The following ADAM12 variants were observed in gnomAD, a reference collection of about 807,000 sequenced individuals.
ADAM12 encodes disintegrin and metalloproteinase domain-containing protein 12.
ADAM12 carries 70 observed loss-of-function variants against 106.4 expected under a neutral mutation model. The ratio of observed to expected loss-of-function variants is 0.66; its 90% CI spans 0.54 to 0.80. The LOEUF (loss-of-function observed/expected upper bound fraction) is 0.80, where lower values mean the gene tolerates loss of function less well. Ranked by LOEUF, ADAM12 falls within the 30% of genes least tolerant of loss-of-function variation. ADAM12 has a pLI of 0.00. For missense variants in ADAM12, 1,010 were observed against 1,171.9 expected (o/e 0.86, Z 2.02); for synonymous variants, 420 against 433.5 (o/e 0.97, Z 0.39).
At chr10:126,131,474 T>C (rs1956303825) in intron 5 of ADAM12, among the ~76,000 whole-genome samples, 1 of 152,146 alleles carries the variant, frequency 6.6e-6, no homozygotes. Context: ...CAAATTCATA[T>C]GTTAGAGCCA....
intron 3 of ADAM12, among the ~76,000 whole-genome samples, chr10:126,228,771 CA>C (rs1209213769): frequency 6.6e-6 from 1 of 152,176 alleles, no homozygotes; most frequent in East Asian, 1.9e-4. Flanking sequence ...AGACATGGGC[CA>C]GGCCTCCCAC....
chr10:126,128,741 G>A (rs1405590299), intron 5 of ADAM12, among the ~76,000 whole-genome samples: 1 of 151,026 alleles, frequency 6.6e-6, no homozygotes, highest in Non-Finnish European at 1.5e-5. Flanking sequence ...TGGTGCGTGT[G>A]TGGGAATGTG....
chr10:126,350,525 C>T (rs1356411040), intron 1 of ADAM12, among the ~76,000 whole-genome samples: 1 of 152,230 alleles, frequency 6.6e-6, no homozygotes, highest in South Asian at 2.1e-4. Flanking sequence ...GCCCTGTCAA[C>T]TCCATCATTC....
intron 2 of ADAM12, among the ~76,000 whole-genome samples, chr10:126,295,844 C>T (rs1960350647): frequency 6.6e-6 from 1 of 151,698 alleles, no homozygotes; most frequent in Non-Finnish European, 1.5e-5. Flanking sequence ...ATCTTTCTTC[C>T]TCTGATGATC....
chr10:126,126,996 T>A (rs557280384), intron 5 of ADAM12, among the ~76,000 whole-genome samples: 15 of 152,294 alleles, frequency 9.8e-5, no homozygotes, highest in Admixed American at 3.9e-4. Context: ...TTGGATCTCC[T>A]TCAGAGCAGA....
chr10:126,265,412 T>G (rs1225324724), intron 3 of ADAM12, among the ~76,000 whole-genome samples: 1 of 152,232 alleles, frequency 6.6e-6, no homozygotes, highest in Non-Finnish European at 1.5e-5. Context: ...TGATTGTTAA[T>G]GGCCACTGAA....
In ADAM12 at chr10:126,159,524, C is replaced by T. The variant is rs183534326; in HGVS notation, c.261-4219G>A. 2.7e-3 allele frequency among the ~76,000 whole-genome samples: 413 copies of T among 151,940 alleles called. 4 individuals carry two copies. Among genetic ancestry groups the T allele is most frequent in the African/African-American group, 9.3e-3 (385 of 41,442 alleles). ...TTGAATGAACAAGGTATATAGATAC[C>T]TAATATTAAGGGGAGTGATGGGTGC... On this transcript the variant is annotated intron_variant, in intron 3 of 22. Transcript: ENST00000448723.
At chr10:126,140,872 CAGTCTTCA>C (rs1956497050) in intron 4 of ADAM12, among the ~76,000 whole-genome samples, 1 of 152,108 alleles carries the variant, frequency 6.6e-6, no homozygotes, top group African/African-American at 2.4e-5. Context: ...GGAGGAGATG[CAGTCTTCA>C]ACCCCTGGGG....
intron 3 of ADAM12, among the ~76,000 whole-genome samples, chr10:126,237,131 C>A (rs1413497238): frequency 6.6e-6 from 1 of 152,138 alleles, no homozygotes; most frequent in Non-Finnish European, 1.5e-5. Flanking sequence ...CAAATAAATA[C>A]CCTCATGACA....
chr10:126,109,848 G>A lies in ADAM12; in HGVS notation c.604-8C>T. On this transcript the variant is annotated splice_region_variant and splice_polypyrimidine_tract_variant and intron_variant, in intron 6 of 22. Transcript: ENST00000448723. ...GAGGGTCTCTCTTTTATGCTGCCAA[G>A]AGTAAACATGCACTTAATCTCTCTT... 6.2e-7 allele frequency: 1 copy of A among 1,611,796 alleles called. No individual in the cohort carries two copies.
intron 1 of ADAM12, among the ~76,000 whole-genome samples, chr10:126,340,048 T>G (rs2133867165): frequency 6.6e-6 from 1 of 151,892 alleles, no homozygotes; most frequent in South Asian, 2.1e-4. Context: ...AGAGATGGGG[T>G]TTCACCACAT....
intron 3 of ADAM12, among the ~76,000 whole-genome samples, chr10:126,219,889 A>C (rs1958056770): frequency 1.3e-5 from 2 of 152,244 alleles, no homozygotes; most frequent in Non-Finnish European, 2.9e-5. Flanking sequence ...TGAACTAGAC[A>C]ATCAATGGGA....
At chr10:126,019,861 C>T in intron 21 of ADAM12, 36 bp from the exon 22 acceptor site, 1 of 1,571,630 alleles carries the variant, frequency 6.4e-7, no homozygotes, top group South Asian at 1.2e-5. Context: ...GGTCACTTAC[C>T]AGGAGCCAGC....
chr10:126,252,315 G>A (rs1958802498), intron 3 of ADAM12, among the ~76,000 whole-genome samples: 1 of 152,116 alleles, frequency 6.6e-6, no homozygotes, highest in Non-Finnish European at 1.5e-5. Context: ...ATGGATGGAT[G>A]GATGGGAGAG....
intron 21 of ADAM12, among the ~76,000 whole-genome samples, chr10:126,032,353 C>T (rs2133391748): frequency 6.6e-6 from 1 of 152,326 alleles, no homozygotes; most frequent in East Asian, 1.9e-4. Context: ...AGAGAAATCA[C>T]CCACTTAATC....
intron 3 of ADAM12, among the ~76,000 whole-genome samples, chr10:126,218,071 T>G (rs1440325013): frequency 2.0e-5 from 3 of 152,024 alleles, no homozygotes; most frequent in Non-Finnish European, 4.4e-5. Flanking sequence ...TTTTTGGTAC[T>G]AGGTACTTCA....
At chr10:126,069,089 C>T (rs1954931303) in intron 12 of ADAM12, among the ~76,000 whole-genome samples, 2 of 152,132 alleles carry the variant, frequency 1.3e-5, no homozygotes, top group African/African-American at 4.8e-5. Flanking sequence ...TAAGGGCATG[C>T]AGAATAACCA....
chr10:126,015,550 C>T lies in ADAM12; in HGVS notation c.*1729G>A, dbSNP rs1421935294. The T allele has an allele frequency of 6.6e-6, 1 of 152,148 alleles. No homozygotes were observed. The highest frequency in any genetic ancestry group is 1.5e-5 in the Non-Finnish European group (1 of 68,024). The allele number at this position is 152,148 out of a possible 1,614,324, so 9.4% of individuals were successfully genotyped here. A position where few individuals can be genotyped will look rare whatever the true frequency, so the allele number is the denominator to read the frequency against. The stretch of plus-strand genomic sequence containing the variant: ...CTATACGAGTTGGAATGTATTAGAG[C>T]TGGGTTCCCTTTTGTGTGTGTTTGT... On this transcript the variant is annotated 3_prime_UTR_variant, in exon 23 of 23. Coordinates refer to ENST00000448723, the MANE Select transcript of ADAM12 (RefSeq NM_001288973.2).
chr10:126,237,736 C>A (rs1008863809), intron 3 of ADAM12, among the ~76,000 whole-genome samples: 2 of 152,196 alleles, frequency 1.3e-5, no homozygotes, highest in Admixed American at 1.3e-4. Context: ...CGCTGACAAT[C>A]AGCCCATTGC....
Sources: allele counts gnomAD v4.1 joint callset (sites outside exome capture counted in the v4.1 genomes callset), GRCh38; gene constraint gnomAD v4.1.1; transcripts MANE v1.5; gene names NCBI Gene and HGNC (gene_info 2026-07-23, HGNC 2026-07-21).